The following ACSL5 variants were observed in gnomAD, a reference collection of about 807,000 sequenced individuals.
The protein encoded by ACSL5 is acyl-CoA synthetase long chain family member 5, also known as long-chain-fatty-acid--CoA ligase 5.
ACSL5 carries 50 observed loss-of-function variants against 84.9 expected under a neutral mutation model. The observed-to-expected ratio is 0.59, with a 90% CI of 0.47 to 0.75. ACSL5 has a LOEUF of 0.75. Ranked by LOEUF, ACSL5 falls within the 30% of genes least tolerant of loss-of-function variation. The pLI, the probability that ACSL5 is intolerant of heterozygous loss-of-function variation, is 0.00. For missense variants in ACSL5, 775 were observed against 830.4 expected (o/e 0.93, Z 0.82); for synonymous variants, 280 against 300.7 (o/e 0.93, Z 0.71).
intron 14 of ACSL5, 112 bp from the exon 15 acceptor site, chr10:112,421,481 T>G: frequency 3.3e-6 from 3 of 898,782 alleles, no homozygotes; most frequent in Non-Finnish European, 3.7e-6. Context: ...TTTAAGACAC[T>G]AAGTGGTCTC....
chr10:112,427,557 C>T lies in ACSL5; in HGVS notation c.*199C>T. On this transcript the variant is annotated 3_prime_UTR_variant, in exon 21 of 21. Coordinates refer to ENST00000354655, the MANE Select transcript of ACSL5 (RefSeq NM_203379.2). ...AATAAATCAATCCTGTCTTTCCCAT[C>T]TTCGATGTTGCTAATATTAAGGCTT... is the stretch of plus-strand genomic sequence containing the variant. 2.3e-6 allele frequency: 1 copy of T among 430,364 alleles called. No individual in the cohort carries two copies. The highest frequency in any genetic ancestry group is 4.0e-6 in the Non-Finnish European group (1 of 252,292). 26.7% of individuals were successfully genotyped at this position (430,364 alleles called of 1,614,324 possible).
At chr10:112,414,804 C>T (rs1844277641) in intron 12 of ACSL5, among the ~76,000 whole-genome samples, 1 of 152,182 alleles carries the variant, frequency 6.6e-6, no homozygotes, top group Non-Finnish European at 1.5e-5. Context: ...TGTCTGATTG[C>T]TTCAGGGAGC....
chr10:112,425,595 TAAA>T (rs71489969), intron 18 of ACSL5, 114 bp downstream of exon 18: 1,078 of 535,624 alleles, frequency 2.0e-3, no homozygotes, highest in Non-Finnish European at 2.3e-3. Context: ...CTTATAAAAC[TAAA>T]AAAAAAAAAA....
rs371914064 is a variant in ACSL5, at chr10:112,413,327, G to C, written c.1083+20G>C. On this transcript the variant is annotated intron_variant, in intron 12 of 20. Transcript: ENST00000354655. Reference sequence around the variant, plus strand: ...GATAAGGTACTAACTTTCAGCTGAAGGGACTGTCTGTGACTTGGGCCTGCA... The same window carrying C: ...GATAAGGTACTAACTTTCAGCTGAACGGACTGTCTGTGACTTGGGCCTGCA... 5.6e-6 allele frequency: 9 copies of C among 1,613,598 alleles called. No homozygotes were observed. The highest frequency in any genetic ancestry group is 7.6e-6 in the Non-Finnish European group (9 of 1,179,678).
At position 112,386,181 on chromosome 10, in the gene ACSL5, C is replaced by CTTTTTTTT. The variant is rs11286757; in HGVS notation, c.-29-8714_-29-8707dup. Among the ~76,000 whole-genome samples, 54 of 71,830 alleles carry CTTTTTTTT rather than the reference C, an allele frequency of 7.5e-4. 2 individuals are homozygous for CTTTTTTTT. Among genetic ancestry groups the CTTTTTTTT allele is most frequent in the African/African-American group, 2.7e-3 (48 of 17,756 alleles). The allele number at this position is 71,830 out of a possible 152,430, so 47.1% of individuals were successfully genotyped here. On this transcript the variant is annotated intron_variant, in intron 1 of 20. Coordinates refer to ENST00000354655, the MANE Select transcript of ACSL5 (RefSeq NM_203379.2). ...TGACCAATAGAAAACTCCTATAGCT[C>CTTTTTTTT]TTTTTTTTTTTTTTTTTTTTTTTTT...
intron 1 of ACSL5, among the ~76,000 whole-genome samples, chr10:112,382,392 C>G (rs1267136090): frequency 6.6e-6 from 1 of 152,210 alleles, no homozygotes; most frequent in East Asian, 1.9e-4. Context: ...GTGAAGGTGG[C>G]TTGGTAACAG....
At chr10:112,395,923 G>T (rs1357599668) in intron 2 of ACSL5, 1 of 152,276 alleles carries the variant, frequency 6.6e-6, no homozygotes, top group African/African-American at 2.4e-5. Flanking sequence ...GGGTACATCT[G>T]CATGTTCAAT....
intron 15 of ACSL5, 126 bp from the exon 16 acceptor site, chr10:112,421,821 C>T: frequency 7.8e-7 from 1 of 1,289,732 alleles, no homozygotes; most frequent in Non-Finnish European, 1.1e-6. Context: ...CTTGGCTAGT[C>T]TGCATTGGTG....
chr10:112,412,002 A>G (rs1398277729), intron 11 of ACSL5, 23 bp downstream of exon 11: 2 of 1,590,114 alleles, frequency 1.3e-6, no homozygotes, highest in African/African-American at 1.3e-5. Context: ...TGTTCCTAGC[A>G]GTATGTGGCA....
chr10:112,417,068 G>T, intron 13 of ACSL5, 46 bp downstream of exon 13: 3 of 1,598,220 alleles, frequency 1.9e-6, no homozygotes, highest in Non-Finnish European at 2.6e-6. Flanking sequence ...TACCTGGGCT[G>T]CCTTCTGACT....
chr10:112,422,081 T>A, intron 16 of ACSL5, 46 bp downstream of exon 16: 1 of 1,593,720 alleles, frequency 6.3e-7, no homozygotes, highest in Non-Finnish European at 8.6e-7. Flanking sequence ...GTGGGGAGGT[T>A]TATATCAGAA....
intron 5 of ACSL5, among the ~76,000 whole-genome samples, chr10:112,405,055 G>A (rs1843999851): frequency 2.0e-5 from 3 of 152,146 alleles, no homozygotes; most frequent in Admixed American, 2.0e-4. Context: ...GTTTTTTGAA[G>A]TCAGTCTGAT....
In ACSL5 at chr10:112,427,605, C is replaced by A; in HGVS notation, c.*247C>A. On this transcript the variant is annotated 3_prime_UTR_variant, in exon 21 of 21. Transcript: ENST00000354655. ...CTTCAGGGCTACTTTTATCAACATGCCTGTCTTCAAGATCCCAGTTTATGT... is the reference window on the plus strand; with the variant it reads ...CTTCAGGGCTACTTTTATCAACATGACTGTCTTCAAGATCCCAGTTTATGT... The A allele has an allele frequency of 3.5e-6, 1 of 286,332 alleles. No individual in the cohort carries two copies. The highest frequency in any genetic ancestry group is 6.4e-6 in the Non-Finnish European group (1 of 155,812). 17.7% of individuals were successfully genotyped at this position (286,332 alleles called of 1,614,324 possible). A position where few individuals can be genotyped will look rare whatever the true frequency, so the allele number is the denominator to read the frequency against.
chr10:112,377,390 A>C (rs1340804380), intron 1 of ACSL5, among the ~76,000 whole-genome samples: 2 of 152,128 alleles, frequency 1.3e-5, no homozygotes, highest in Non-Finnish European at 2.9e-5. Context: ...AAATACAAAA[A>C]TTAGCTTGGC....
chr10:112,421,979 G>T lies in ACSL5; in HGVS notation c.1420G>T (p.Val474Leu). ...TGGGGTGCCCCTGGCTTGCAATTAC[G>T]TGAAGCTGGAAGATGTGGCTGACAT... ...HVGVPLACNYVKLEDVADMNY... is the reference protein window; with the variant it reads ...HVGVPLACNYLKLEDVADMNY... The change falls in exon 16 of 21, where the codon GTG (valine) becomes TTG (leucine). Residue 474 changes from valine (V) to leucine (L), a missense_variant. Transcript: ENST00000354655. The T allele has an allele frequency of 6.2e-7, 1 of 1,614,182 alleles. No individual in the cohort carries two copies. The highest frequency in any genetic ancestry group is 1.3e-5 in the African/African-American group (1 of 75,042).
chr10:112,393,443 G>C (rs556741706), intron 1 of ACSL5, among the ~76,000 whole-genome samples: 11 of 152,262 alleles, frequency 7.2e-5, no homozygotes, highest in African/African-American at 2.6e-4. Flanking sequence ...TCTTGTGACT[G>C]TTCCTGCCCC....
At chr10:112,388,281 C>T (rs1849493961) in intron 1 of ACSL5, among the ~76,000 whole-genome samples, 1 of 152,160 alleles carries the variant, frequency 6.6e-6, no homozygotes, top group Non-Finnish European at 1.5e-5. Context: ...ACCTACTTAT[C>T]CCATGTAGAT....
intron 14 of ACSL5, among the ~76,000 whole-genome samples, chr10:112,418,261 C>T (rs1844364100): frequency 6.6e-6 from 1 of 152,178 alleles, no homozygotes; most frequent in Non-Finnish European, 1.5e-5. Flanking sequence ...TGCCTACCCC[C>T]ATGGCAGTCA....
In ACSL5 at chr10:112,394,958, C is replaced by A. The variant is rs1428060949; in HGVS notation, c.12C>A (p.Ile4=). Reference sequence around the variant, plus strand: ...TGCTGTTCACAAAGATGCTTTTTATCTTTAACTTTTTGTTTTCCCCACTTC... The same window carrying A: ...TGCTGTTCACAAAGATGCTTTTTATATTTAACTTTTTGTTTTCCCCACTTC... MLF[I]FNFLFSPLPT... is the part of the protein sequence containing the mutation. The change falls in exon 2 of 21, where the codon ATC becomes ATA. Residue 4 remains isoleucine (I), a synonymous_variant. Coordinates refer to ENST00000354655, the MANE Select transcript of ACSL5 (RefSeq NM_203379.2). The A allele has an allele frequency of 1.2e-6, 2 of 1,613,012 alleles. No individual in the cohort carries two copies. The highest frequency in any genetic ancestry group is 1.7e-6 in the Non-Finnish European group (2 of 1,179,878).
Sources: gnomAD v4.1 joint callset for allele counts (sites outside exome capture counted in the v4.1 genomes callset) on GRCh38, gnomAD v4.1.1 for gene constraint, MANE v1.5 for transcripts, NCBI Gene and HGNC (gene_info 2026-07-23, HGNC 2026-07-21) for gene names.